Variants in TAB2 observed in about 807,000 individuals in gnomAD.
TAB2 encodes TGF-beta-activated kinase 1 and MAP3K7-binding protein 2.
TAB2 carries 3 observed loss-of-function variants against 65.0 expected under a neutral mutation model. The observed-to-expected ratio is 0.05, with a 90% CI of 0.02 to 0.12. The LOEUF (loss-of-function observed/expected upper bound fraction) is 0.12. Among genes scored for constraint, TAB2 ranks in the 10% least tolerant of loss-of-function variants. The pLI is 1.00. For missense variants in TAB2, 623 were observed against 840.3 expected, an observed-to-expected ratio of 0.74 and a Z score of 3.20; for synonymous variants, 298 against 285.1, an observed-to-expected ratio of 1.05 and a Z score of -0.46.
At chr6:149,325,039 T>C (rs993632484) in intron 1 of TAB2, among the ~76,000 whole-genome samples, 7 of 152,110 alleles carry the variant, frequency 4.6e-5, no homozygotes, top group African/African-American at 1.4e-4. Flanking sequence ...TGGTTTTTAG[T>C]TGATCTCTTT....
chr6:149,287,702 T>C (rs772340230), intron 1 of TAB2, among the ~76,000 whole-genome samples: 3 of 152,216 alleles, frequency 2.0e-5, no homozygotes, highest in African/African-American at 4.8e-5. Context: ...ATTTTTTGTA[T>C]GTGTTAAAAA....
intron 1 of TAB2, among the ~76,000 whole-genome samples, chr6:149,290,980 T>A (rs1241459310): frequency 6.6e-6 from 1 of 152,246 alleles, no homozygotes; most frequent in Non-Finnish European, 1.5e-5. Flanking sequence ...AACCCTATTT[T>A]CATAGCTAAA....
chr6:149,386,459 C>A (rs953687474), intron 3 of TAB2, among the ~76,000 whole-genome samples: 2 of 151,220 alleles, frequency 1.3e-5, no homozygotes, highest in African/African-American at 4.9e-5. Context: ...CATTACCCCC[C>A]ACCCTCACTC....
intron 1 of TAB2, among the ~76,000 whole-genome samples, chr6:149,240,914 A>G (rs1777585694): frequency 6.6e-6 from 1 of 152,204 alleles, no homozygotes; most frequent in Admixed American, 6.5e-5. Flanking sequence ...CAAATGTGAC[A>G]ATATTTGGAG....
At chr6:149,373,815 A>C (rs1360178372) in intron 2 of TAB2, among the ~76,000 whole-genome samples, 1 of 152,138 alleles carries the variant, frequency 6.6e-6, no homozygotes, top group Non-Finnish European at 1.5e-5. Context: ...TTCTCACTAA[A>C]AGTAACCAGG....
intron 1 of TAB2, among the ~76,000 whole-genome samples, chr6:149,343,066 AAAAT>A (rs1780179145): frequency 6.6e-6 from 1 of 152,308 alleles, no homozygotes; most frequent in Admixed American, 6.5e-5. Context: ...AAACATAAGA[AAAAT>A]AAATGTGAAA....
chr6:149,248,950 C>T (rs1037277893), intron 1 of TAB2, among the ~76,000 whole-genome samples: 1 of 152,156 alleles, frequency 6.6e-6, no homozygotes, highest in Non-Finnish European at 1.5e-5. Context: ...CCACGCCTCA[C>T]CATCCCCCAT....
At chr6:149,245,863 T>C (rs1216562034) in intron 1 of TAB2, among the ~76,000 whole-genome samples, 1 of 152,218 alleles carries the variant, frequency 6.6e-6, no homozygotes, top group African/African-American at 2.4e-5. Flanking sequence ...CTGAAACAAA[T>C]ACTTCTGTCT....
At chr6:149,321,209 T>C (rs1287921386) in intron 1 of TAB2, 1 of 152,226 alleles carries the variant, frequency 6.6e-6, no homozygotes, top group African/African-American at 2.4e-5. Flanking sequence ...ACCCTCTGTA[T>C]TAAAATGATA....
intron 1 of TAB2, among the ~76,000 whole-genome samples, chr6:149,295,862 TC>T (rs957661066): frequency 1.3e-5 from 2 of 152,158 alleles, no homozygotes; most frequent in African/African-American, 4.8e-5. Flanking sequence ...AACCTCTGCC[TC>T]CCGGTTCAAC....
chr6:149,368,329 A>G (rs111447766), intron 1 of TAB2, among the ~76,000 whole-genome samples: 2,347 of 152,256 alleles, frequency 0.015, 24 homozygotes, highest in Middle Eastern at 0.024. Flanking sequence ...CTAAAAGTGT[A>G]TAGTGGCTTT....
At position 149,378,945 on chromosome 6, in the gene TAB2, T is replaced by A; in HGVS notation, c.1030T>A (p.Ser344Thr). Residue 344 changes from serine to threonine, a missense_variant, in exon 3 of 7, where the codon TCT becomes ACT. By Grantham distance (58) the Ser-to-Thr change is moderately conservative. This residue lies in a region of TAB2 where 550 missense variants were observed against 665.7 expected (regional missense o/e 0.83). Coordinates refer to ENST00000637181, the MANE Select transcript of TAB2 (RefSeq NM_001292034.3). ...QRNNSSKLRSSGPRTSSTSSS... is the reference protein window; with the variant it reads ...QRNNSSKLRSTGPRTSSTSSS... The stretch of plus-strand genomic sequence containing the variant: ...AAATAATTCTTCAAAACTGCGTTCT[T>A]CTGGACCTCGAACCTCCAGCACTTC... 1 of 1,614,168 alleles carries A rather than the reference T, an allele frequency of 6.2e-7. No individual in the cohort carries two copies. Among genetic ancestry groups the A allele is most frequent in the South Asian group, 1.1e-5 (1 of 91,078 alleles).
At chr6:149,239,138 G>A (rs1777551374) in intron 1 of TAB2, among the ~76,000 whole-genome samples, 1 of 152,340 alleles carries the variant, frequency 6.6e-6, no homozygotes, top group Non-Finnish European at 1.5e-5. Flanking sequence ...CTCTTAGAAA[G>A]GGATCACTGC....
rs763590 is a variant in TAB2, at chr6:149,398,831, A to T, written c.1859-273A>T. On this transcript the variant is annotated intron_variant, in intron 5 of 6. Coordinates refer to ENST00000637181, the MANE Select transcript of TAB2 (RefSeq NM_001292034.3). Reference sequence around the variant, plus strand: ...TTTTAACTTGCCACATAGAACAGGGATCTACTTCTACTTCTATTAATGTCT... The same window carrying T: ...TTTTAACTTGCCACATAGAACAGGGTTCTACTTCTACTTCTATTAATGTCT... Among the ~76,000 whole-genome samples the T allele has an allele frequency of 0.24, 35,863 of 152,036 alleles. 4,425 individuals are homozygous for T. The highest frequency in any genetic ancestry group is 0.26 in the Non-Finnish European group (17,655 of 67,918).
intron 1 of TAB2, among the ~76,000 whole-genome samples, chr6:149,353,304 C>T (rs1780551096): frequency 6.6e-6 from 1 of 152,170 alleles, no homozygotes; most frequent in African/African-American, 2.4e-5. Context: ...CCTTACTTCT[C>T]TCTTTTACTA....
intron 1 of TAB2, among the ~76,000 whole-genome samples, chr6:149,260,466 G>A (rs1198410330): frequency 2.6e-5 from 4 of 152,176 alleles, no homozygotes; most frequent in Non-Finnish European, 5.9e-5. Flanking sequence ...CTCCTTATAC[G>A]TATTGCTCCC....
upstream of TAB2, among the ~76,000 whole-genome samples, chr6:149,313,457 C>T (rs993350938): frequency 2.0e-5 from 3 of 152,180 alleles, no homozygotes; most frequent in Non-Finnish European, 2.9e-5. Flanking sequence ...GCTTTGTGGG[C>T]CCTCGTCACC....
At chr6:149,320,478 TAGA>T (rs1779408030) in intron 1 of TAB2, among the ~76,000 whole-genome samples, 1 of 152,224 alleles carries the variant, frequency 6.6e-6, no homozygotes. Flanking sequence ...TTGGCAGAAA[TAGA>T]AGTTTATTCT....
At chr6:149,295,711 T>C (rs1407357547) in intron 1 of TAB2, among the ~76,000 whole-genome samples, 1 of 152,202 alleles carries the variant, frequency 6.6e-6, no homozygotes, top group Non-Finnish European at 1.5e-5. Flanking sequence ...TTACATTTGA[T>C]TATTTGAAAT....
Sources: allele counts gnomAD v4.1 joint callset (sites outside exome capture counted in the v4.1 genomes callset), GRCh38; gene constraint gnomAD v4.1.1; regional missense constraint gnomAD v4.1.1; transcripts MANE v1.5; gene names NCBI Gene and HGNC (gene_info 2026-07-23, HGNC 2026-07-21).